TNRC6A: variants seen among roughly 807,000 people sequenced by gnomAD.
The protein encoded by TNRC6A is trinucleotide repeat-containing gene 6A protein.
TNRC6A carries 44 observed loss-of-function variants against 221.2 expected under a neutral mutation model. The ratio of observed to expected loss-of-function variants is 0.20; its 90% CI spans 0.16 to 0.26. TNRC6A has a LOEUF of 0.26. TNRC6A is among the 10% of genes least tolerant of loss of function. The pLI, the probability that TNRC6A is intolerant of heterozygous loss-of-function variation, is 1.00. For synonymous variants in TNRC6A, 847 were observed against 838.5 expected, an observed-to-expected ratio of 1.01 and a Z score of -0.18; for missense variants, 2,199 against 2,404.4, an observed-to-expected ratio of 0.91 and a Z score of 1.79.
Position 24,795,345 on chromosome 16 carries a change from C to A in TNRC6A, c.3529-562C>A, listed in dbSNP as rs369498244. ...GACCAAGTTTCTTATCCTAAAGAAA[C>A]TCCTCAAATGTCTCTGATGCAGAGC... is the stretch of plus-strand genomic sequence containing the variant. On this transcript the variant is annotated intron_variant, in intron 8 of 24. Transcript: ENST00000395799. Among the ~76,000 whole-genome samples the A allele has an allele frequency of 7.2e-5, 11 of 152,290 alleles. No individual in the cohort carries two copies. In the East Asian group the frequency reaches 2.1e-3, roughly 29 times the overall value.
chr16:24,808,034 C>T (rs920476148), intron 17 of TNRC6A, among the ~76,000 whole-genome samples: 1 of 152,212 alleles, frequency 6.6e-6, no homozygotes, highest in Non-Finnish European at 1.5e-5. Context: ...TGTTAGTGAT[C>T]TCTGCATTTC....
At chr16:24,714,475 A>AT (rs1193315061) in intron 2 of TNRC6A, among the ~76,000 whole-genome samples, 15 of 149,854 alleles carry the variant, frequency 1.0e-4, no homozygotes, top group Non-Finnish European at 1.8e-4. Context: ...AACCCGGCTA[A>AT]TTTTTTTTTA....
intron 2 of TNRC6A, among the ~76,000 whole-genome samples, chr16:24,679,557 A>G (rs574909826): frequency 1.3e-5 from 2 of 151,648 alleles, no homozygotes; most frequent in East Asian, 3.9e-4. Context: ...GCTCACTGCA[A>G]CCTCTGCCTC....
Position 24,786,897 on chromosome 16 carries a change from G to A in TNRC6A, c.590-2335G>A, listed in dbSNP as rs1350453277. 2.6e-5 allele frequency among the ~76,000 whole-genome samples: 4 copies of A among 152,256 alleles called. No homozygotes were observed. The East Asian group carries it at 7.7e-4, about 29-fold the overall frequency. On this transcript the variant is annotated intron_variant, in intron 5 of 24. Transcript: ENST00000395799. ...AGGGTTTCACCATGTTGGCCAGGATGGTCTCAAACTCCAGACCTCGTGATC... is the reference window on the plus strand; with the variant it reads ...AGGGTTTCACCATGTTGGCCAGGATAGTCTCAAACTCCAGACCTCGTGATC...
chr16:24,740,115 A>G lies in TNRC6A; in HGVS notation c.53+9815A>G, dbSNP rs182141175. Among the ~76,000 whole-genome samples the G allele has an allele frequency of 1.2e-3, 180 of 152,264 alleles. 1 individual carries two copies. Among genetic ancestry groups the G allele is most frequent in the African/African-American group, 4.0e-3 (165 of 41,544 alleles). ...ATGAAGAATTATTTCTGGACTCTCA[A>G]TTCTATTCTGTTGATACTATGTGTT... On this transcript the variant is annotated intron_variant, in intron 2 of 24. Coordinates refer to ENST00000395799, the MANE Select transcript of TNRC6A (RefSeq NM_014494.4).
chr16:24,654,616 G>C (rs1320312826), intron 2 of TNRC6A, among the ~76,000 whole-genome samples: 1 of 152,118 alleles, frequency 6.6e-6, no homozygotes, highest in Non-Finnish European at 1.5e-5. Context: ...CTACTCCAGA[G>C]GCTGAGGCAG....
intron 2 of TNRC6A, among the ~76,000 whole-genome samples, chr16:24,722,285 AC>A (rs2056422611): frequency 6.6e-6 from 1 of 152,048 alleles, no homozygotes; most frequent in Non-Finnish European, 1.5e-5. Context: ...ATGGTGACAC[AC>A]ACCTCTCATT....
chr16:24,619,882 C>T (rs560443442), intron 1 of TNRC6A, among the ~76,000 whole-genome samples: 34 of 152,256 alleles, frequency 2.2e-4, no homozygotes, highest in African/African-American at 7.9e-4. Context: ...TGGCTCACAC[C>T]TGTAATCTCA....
rs1446212425 is a variant in TNRC6A at position 24,824,044 on chromosome 16, C to T, written c.*237C>T. On this transcript the variant is annotated 3_prime_UTR_variant, in exon 25 of 25. Transcript: ENST00000395799. Reference sequence around the variant, plus strand: ...CCAAATAGCGCCATACATGCTAAACCGTAGAGAATGAGCTCGCTTGTGTCT... The same window carrying T: ...CCAAATAGCGCCATACATGCTAAACTGTAGAGAATGAGCTCGCTTGTGTCT... 5 of 348,342 alleles carry T rather than the reference C, an allele frequency of 1.4e-5. No individual in the cohort carries two copies. The highest frequency in any genetic ancestry group is 8.5e-5 in the African/African-American group (4 of 47,132). The allele number at this position is 348,342 out of a possible 1,614,324, so 21.6% of individuals were successfully genotyped here.
intron 4 of TNRC6A, among the ~76,000 whole-genome samples, chr16:24,761,849 A>G (rs1045751223): frequency 6.6e-6 from 1 of 152,136 alleles, no homozygotes; most frequent in Non-Finnish European, 1.5e-5. Flanking sequence ...GTTTTTTGGG[A>G]AGCATGTTGA....
chr16:24,696,029 A>C (rs1010206831), intron 2 of TNRC6A, among the ~76,000 whole-genome samples: 1 of 152,110 alleles, frequency 6.6e-6, no homozygotes, highest in Non-Finnish European at 1.5e-5. Flanking sequence ...GGAGAGGAAA[A>C]AACTCCACTG....
chr16:24,799,913 ACTAAGAAGCAT>A (rs1471440934), intron 11 of TNRC6A, among the ~76,000 whole-genome samples: 6 of 152,190 alleles, frequency 3.9e-5, no homozygotes, highest in African/African-American at 1.4e-4. Context: ...GTATGGAAAT[ACTAAGAAGCAT>A]CCCAGAGAAT....
intron 5 of TNRC6A, among the ~76,000 whole-genome samples, chr16:24,782,010 G>A (rs2057859941): frequency 6.6e-6 from 1 of 152,026 alleles, no homozygotes; most frequent in Non-Finnish European, 1.5e-5. Flanking sequence ...TTTTAGTTGA[G>A]ATGGGGTTTC....
chr16:24,687,881 A>AAGAAGAAGC (rs1474000799), intron 2 of TNRC6A, among the ~76,000 whole-genome samples: 5 of 147,892 alleles, frequency 3.4e-5, no homozygotes, highest in African/African-American at 1.2e-4. Context: ...GAAGAAGAAG[A>AAGAAGAAGC]AGCAGCTTAT....
chr16:24,706,979 T>TATATTTA (rs2056107271), intron 2 of TNRC6A, among the ~76,000 whole-genome samples: 4 of 140,440 alleles, frequency 2.8e-5, no homozygotes, highest in African/African-American at 1.1e-4. Flanking sequence ...ATTTATCTAT[T>TATATTTA]TTTATTTATG....
At chr16:24,642,593 G>A (rs1902009804) in intron 2 of TNRC6A, among the ~76,000 whole-genome samples, 1 of 152,158 alleles carries the variant, frequency 6.6e-6, no homozygotes, top group Non-Finnish European at 1.5e-5. Context: ...CGAGGTGGGA[G>A]GATCACTTGA....
chr16:24,769,590 CTAAT>C (rs150584815), intron 4 of TNRC6A, among the ~76,000 whole-genome samples: 4,584 of 152,004 alleles, frequency 0.03, 231 homozygotes, highest in African/African-American at 0.1. Context: ...AGTCTCAGGG[CTAAT>C]TAGAGAACCT....
chr16:24,625,866 C>T (rs542024453), intron 1 of TNRC6A, among the ~76,000 whole-genome samples: 5 of 151,806 alleles, frequency 3.3e-5, no homozygotes, highest in Non-Finnish European at 5.9e-5. Context: ...GAGCCGAGAT[C>T]GCACCATTAC....
At chr16:24,687,925 T>C (rs564363382) in intron 2 of TNRC6A, among the ~76,000 whole-genome samples, 2 of 103,074 alleles carry the variant, frequency 1.9e-5, no homozygotes, top group East Asian at 1.0e-3. Context: ...TTTTCTTTTC[T>C]TTTCTTTTCT....
Sources: allele counts gnomAD v4.1 joint callset (sites outside exome capture counted in the v4.1 genomes callset), GRCh38; gene constraint gnomAD v4.1.1; transcripts MANE v1.5; gene names NCBI Gene and HGNC (gene_info 2026-07-23, HGNC 2026-07-21).